The following EPHA6 variants were observed in gnomAD, a reference collection of about 807,000 sequenced individuals.
The protein encoded by EPHA6 is EPH receptor A6.
A neutral mutation model predicts 112.0 loss-of-function variants in EPHA6; 50 were observed. That is an observed-to-expected ratio of 0.45 (90% CI 0.36 to 0.56). The LOEUF (loss-of-function observed/expected upper bound fraction) is 0.56. Ranked by LOEUF, EPHA6 falls within the 20% of genes least tolerant of loss-of-function variation. EPHA6 has a pLI of 0.00. For synonymous variants in EPHA6, 529 were observed against 490.7 expected (o/e 1.08, Z -1.03); for missense variants, 1,280 against 1,417.4 (o/e 0.90, Z 1.56).
chr3:97,708,555 G>A (rs2033801027), intron 14 of EPHA6, among the ~76,000 whole-genome samples: 1 of 152,208 alleles, frequency 6.6e-6, no homozygotes, highest in South Asian at 2.1e-4. Context: ...CCCATTTTGG[G>A]GGAAGAAATT....
chr3:97,552,288 T>C (rs2093039138), intron 11 of EPHA6, among the ~76,000 whole-genome samples: 1 of 152,166 alleles, frequency 6.6e-6, no homozygotes, highest in African/African-American at 2.4e-5. Context: ...AGTCTCCATA[T>C]CTTTGCTACA....
chr3:97,136,616 C>G (rs770677349), intron 3 of EPHA6, among the ~76,000 whole-genome samples: 1 of 152,054 alleles, frequency 6.6e-6, no homozygotes, highest in Non-Finnish European at 1.5e-5. Context: ...GTAATCCCAG[C>G]AACTCAAGAG....
intron 11 of EPHA6, among the ~76,000 whole-genome samples, chr3:97,591,379 G>A (rs2093542914): frequency 6.6e-6 from 1 of 152,102 alleles, no homozygotes; most frequent in African/African-American, 2.4e-5. Context: ...CTTATTTTTG[G>A]TGGAGAATTT....
chr3:97,315,889 C>A (rs2081806797), intron 5 of EPHA6, among the ~76,000 whole-genome samples: 1 of 151,768 alleles, frequency 6.6e-6, no homozygotes, highest in East Asian at 1.9e-4. Flanking sequence ...TCATGTGCAC[C>A]TTTCTATAAG....
intron 5 of EPHA6, among the ~76,000 whole-genome samples, chr3:97,359,451 T>C (rs2084253411): frequency 6.6e-6 from 1 of 151,588 alleles, no homozygotes; most frequent in Non-Finnish European, 1.5e-5. Context: ...GTTCATACAT[T>C]GTTTTTTTTT....
At chr3:97,452,674 A>T (rs1277198147) in intron 7 of EPHA6, among the ~76,000 whole-genome samples, 1 of 151,708 alleles carries the variant, frequency 6.6e-6, no homozygotes, top group East Asian at 1.9e-4. Flanking sequence ...TTCTTGGGAG[A>T]TAGTTGGAAA....
chr3:97,490,887 G>A (rs2091821317), intron 10 of EPHA6, among the ~76,000 whole-genome samples: 1 of 152,152 alleles, frequency 6.6e-6, no homozygotes, highest in Non-Finnish European at 1.5e-5. Flanking sequence ...GCTGGGCAAG[G>A]ATCCACATCC....
intron 2 of EPHA6, among the ~76,000 whole-genome samples, chr3:96,922,508 T>C (rs2039818240): frequency 6.6e-6 from 1 of 152,292 alleles, no homozygotes; most frequent in East Asian, 1.9e-4. Context: ...AAAATTTATA[T>C]AAGAAACTGT....
chr3:97,209,698 A>G (rs1457134823), intron 3 of EPHA6, among the ~76,000 whole-genome samples: 2 of 152,218 alleles, frequency 1.3e-5, no homozygotes, highest in Admixed American at 1.3e-4. Context: ...GACACAAAAT[A>G]TATGACAGTG....
At chr3:97,173,223 T>C (rs1251651176) in intron 3 of EPHA6, among the ~76,000 whole-genome samples, 1 of 151,908 alleles carries the variant, frequency 6.6e-6, no homozygotes, top group Non-Finnish European at 1.5e-5. Context: ...AAAGCTTAAA[T>C]GTCAAGTGGC....
intron 3 of EPHA6, among the ~76,000 whole-genome samples, chr3:97,107,682 C>A (rs148338582): frequency 2.0e-5 from 3 of 152,172 alleles, no homozygotes; most frequent in African/African-American, 7.2e-5. Context: ...CATCTCCAAT[C>A]TTTTTCAGAG....
chr3:97,575,741 A>C (rs955441695), intron 11 of EPHA6, among the ~76,000 whole-genome samples: 1 of 152,220 alleles, frequency 6.6e-6, no homozygotes, highest in African/African-American at 2.4e-5. Flanking sequence ...CATTTTAGAA[A>C]TATTTATCTG....
At chr3:96,987,186 C>A in intron 2 of EPHA6, 144 bp from the exon 3 acceptor site, 1 of 679,094 alleles carries the variant, frequency 1.5e-6, no homozygotes, top group Non-Finnish European at 2.4e-6. Flanking sequence ...GGTTAAAATG[C>A]TGTTCCATTG....
intron 3 of EPHA6, among the ~76,000 whole-genome samples, chr3:97,031,345 A>G (rs1178989451): frequency 1.3e-5 from 2 of 152,156 alleles, no homozygotes; most frequent in Non-Finnish European, 2.9e-5. Context: ...TAAAAACCCT[A>G]GAAGAAAACC....
chr3:97,420,048 T>G (rs1379841), intron 6 of EPHA6, among the ~76,000 whole-genome samples: 10,042 of 152,224 alleles, frequency 0.066, 455 homozygotes, highest in African/African-American at 0.11. Flanking sequence ...GAAAAATGTC[T>G]TTTTTGTTAA....
chr3:97,185,958 A>C (rs897313486), intron 3 of EPHA6, among the ~76,000 whole-genome samples: 2 of 151,366 alleles, frequency 1.3e-5, no homozygotes, highest in Non-Finnish European at 2.9e-5. Flanking sequence ...AAACTATCAC[A>C]AGGACAAAAA....
At chr3:97,518,181 G>T (rs190595778) in intron 10 of EPHA6, among the ~76,000 whole-genome samples, 54 of 152,144 alleles carry the variant, frequency 3.5e-4, no homozygotes, top group African/African-American at 1.3e-3. Flanking sequence ...TTCCATAATT[G>T]CTGTATTCGT....
intron 3 of EPHA6, among the ~76,000 whole-genome samples, chr3:97,043,706 G>A (rs1027059839): frequency 7.2e-5 from 11 of 152,052 alleles, no homozygotes; most frequent in Admixed American, 2.0e-4. Context: ...GCCAAGATAG[G>A]AAGCATCTAA....
intron 2 of EPHA6, 37 bp downstream of exon 2, chr3:96,866,926 A>T: frequency 8.2e-7 from 1 of 1,221,082 alleles, no homozygotes; most frequent in African/African-American, 1.6e-5. Flanking sequence ...TGTCTTTTTT[A>T]GATTTTTAAG....
Sources: gnomAD v4.1 joint callset for allele counts (sites outside exome capture counted in the v4.1 genomes callset) on GRCh38, gnomAD v4.1.1 for gene constraint, MANE v1.5 for transcripts, NCBI Gene and HGNC (gene_info 2026-07-23, HGNC 2026-07-21) for gene names.